Variants in COPG2 observed in about 807,000 individuals in gnomAD.
COPG2 encodes the protein coatomer subunit gamma-2.
Under a neutral mutation model 46.3 loss-of-function variants are expected in COPG2, and 37 were observed. The ratio of observed to expected loss-of-function variants is 0.80; its 90% CI spans 0.61 to 1.05. The LOEUF (loss-of-function observed/expected upper bound fraction) is 1.05, where lower values mean the gene tolerates loss of function less well. Among genes scored for constraint, COPG2 ranks in the 50% least tolerant of loss-of-function variants. The pLI is 0.00. For missense variants in COPG2, 427 were observed against 387.8 expected, an observed-to-expected ratio of 1.10 and a Z score of -0.85; for synonymous variants, 159 against 129.7, an observed-to-expected ratio of 1.23 and a Z score of -1.53.
intron 20 of COPG2, among the ~76,000 whole-genome samples, chr7:130,527,643 G>A (rs1442329555): frequency 1.3e-5 from 2 of 152,148 alleles, no homozygotes; most frequent in African/African-American, 4.8e-5. Context: ...CTGATAGGCC[G>A]CCTTGGGGTC....
At chr7:130,543,575 TATG>T (rs1646319563) in intron 20 of COPG2, among the ~76,000 whole-genome samples, 1 of 152,154 alleles carries the variant, frequency 6.6e-6, no homozygotes. Flanking sequence ...TGCAGGTAAG[TATG>T]TTGGACACCA....
chr7:130,611,321 T>C (rs1554452066), intron 8 of COPG2, among the ~76,000 whole-genome samples: 2 of 152,204 alleles, frequency 1.3e-5, no homozygotes, highest in Non-Finnish European at 2.9e-5. Flanking sequence ...CAATTCAGAC[T>C]GGCAGGCATA....
At chr7:130,532,496 GC>G (rs1799837884) in intron 20 of COPG2, among the ~76,000 whole-genome samples, 1 of 152,124 alleles carries the variant, frequency 6.6e-6, no homozygotes, top group Non-Finnish European at 1.5e-5. Context: ...CCCAGGTGGA[GC>G]GGAGGAGCCG....
intron 20 of COPG2, among the ~76,000 whole-genome samples, chr7:130,535,117 T>C (rs1382104898): frequency 5.3e-5 from 8 of 152,236 alleles, no homozygotes; most frequent in Non-Finnish European, 1.2e-4. Context: ...GTCAAAGTAG[T>C]GAGCACATCC....
chr7:130,571,000 T>C (rs551380952), intron 9 of COPG2, among the ~76,000 whole-genome samples: 1 of 152,290 alleles, frequency 6.6e-6, no homozygotes, highest in South Asian at 2.1e-4. Context: ...TAGCCATGCG[T>C]AGGAGAATGA....
intron 9 of COPG2, among the ~76,000 whole-genome samples, chr7:130,574,784 G>C (rs1793974707): frequency 6.6e-6 from 1 of 152,044 alleles, no homozygotes; most frequent in Admixed American, 6.6e-5. Context: ...AAAGCCCAAT[G>C]CAAGGAAATC....
chr7:130,648,015 C>A (rs1795653271), intron 5 of COPG2, among the ~76,000 whole-genome samples: 1 of 152,210 alleles, frequency 6.6e-6, no homozygotes, highest in East Asian at 1.9e-4. Flanking sequence ...CACGCGTGAG[C>A]CACCGTGCCC....
intron 5 of COPG2, among the ~76,000 whole-genome samples, chr7:130,623,907 G>A (rs1189878008): frequency 6.6e-6 from 1 of 152,030 alleles, no homozygotes; most frequent in Non-Finnish European, 1.5e-5. Flanking sequence ...AGTCTTTCAG[G>A]AATATCTTAG....
Position 130,652,981 on chromosome 7 carries a change from T to A in COPG2, c.244-33A>T, listed in dbSNP as rs782039285. The A allele has an allele frequency of 2.9e-6, 4 of 1,393,186 alleles. No homozygotes were observed. In the Admixed American group the frequency reaches 7.7e-5, roughly 27 times the overall value. The allele number at this position is 1,393,186 out of a possible 1,614,324, so 86.3% of individuals were successfully genotyped here. On this transcript the variant is annotated intron_variant, in intron 4 of 23. Coordinates refer to ENST00000425248, the MANE Select transcript of COPG2 (RefSeq NM_012133.6). ...ATCATTTATAAAAGGTAACAGATTATTGATTAGGAAATGGTTTTTTAAATT... is the reference window on the plus strand; with the variant it reads ...ATCATTTATAAAAGGTAACAGATTAATGATTAGGAAATGGTTTTTTAAATT...
chr7:130,653,044 A>G, intron 4 of COPG2, 96 bp from the exon 5 acceptor site: 2 of 752,862 alleles, frequency 2.7e-6, no homozygotes, highest in Non-Finnish European at 4.3e-6. Context: ...TATATTTTAG[A>G]AAGATATTCT....
chr7:130,619,463 A>C (rs1275321695), intron 5 of COPG2, among the ~76,000 whole-genome samples: 4 of 152,168 alleles, frequency 2.6e-5, no homozygotes, highest in Non-Finnish European at 4.4e-5. Context: ...GAAAGCAAAA[A>C]AATTAATGCA....
At chr7:130,629,817 T>C (rs1272263351) in intron 5 of COPG2, among the ~76,000 whole-genome samples, 1 of 152,186 alleles carries the variant, frequency 6.6e-6, no homozygotes, top group Non-Finnish European at 1.5e-5. Flanking sequence ...TTCAGGTACA[T>C]TTATTCTTTC....
intron 5 of COPG2, among the ~76,000 whole-genome samples, chr7:130,642,192 G>GT (rs1795504979): frequency 6.6e-6 from 1 of 151,766 alleles, no homozygotes; most frequent in South Asian, 2.1e-4. Context: ...GAGTAGAACA[G>GT]TAAAATCAGG....
At chr7:130,596,609 G>C (rs1554449725) in intron 9 of COPG2, among the ~76,000 whole-genome samples, 1 of 152,144 alleles carries the variant, frequency 6.6e-6, no homozygotes, top group Non-Finnish European at 1.5e-5. Flanking sequence ...CCAGCCAAGG[G>C]AACATGGACA....
intron 5 of COPG2, among the ~76,000 whole-genome samples, chr7:130,626,498 C>T (rs1192423534): frequency 6.6e-6 from 1 of 151,046 alleles, no homozygotes; most frequent in Admixed American, 6.6e-5. Flanking sequence ...ATCCACCCAA[C>T]TCGGCCTCCC....
At chr7:130,618,653 T>C (rs1354316921) in intron 5 of COPG2, among the ~76,000 whole-genome samples, 2 of 152,218 alleles carry the variant, frequency 1.3e-5, no homozygotes, top group African/African-American at 4.8e-5. Context: ...TTTTCATAAG[T>C]ATTAATCAAT....
At chr7:130,512,712 T>C (rs1799614980) in intron 20 of COPG2, among the ~76,000 whole-genome samples, 2 of 151,996 alleles carry the variant, frequency 1.3e-5, no homozygotes, top group Non-Finnish European at 2.9e-5. Context: ...GCCACTGCAC[T>C]CTAACCTGGG....
At chr7:130,534,661 A>G (rs1345839085) in intron 20 of COPG2, among the ~76,000 whole-genome samples, 1 of 151,954 alleles carries the variant, frequency 6.6e-6, no homozygotes, top group Non-Finnish European at 1.5e-5. Flanking sequence ...CTTGGAGGCA[A>G]GAGTGGAGGA....
At chr7:130,558,139 T>C (rs1793661550) in intron 12 of COPG2, among the ~76,000 whole-genome samples, 1 of 152,138 alleles carries the variant, frequency 6.6e-6, no homozygotes, top group South Asian at 2.1e-4. Context: ...TAAAATAATT[T>C]TTTTTTAGAT....
Sources: allele counts gnomAD v4.1 joint callset (sites outside exome capture counted in the v4.1 genomes callset), GRCh38; gene constraint gnomAD v4.1.1; transcripts MANE v1.5; gene names NCBI Gene and HGNC (gene_info 2026-07-23, HGNC 2026-07-21).